Variants in CFAP299 observed in about 807,000 individuals in gnomAD.
The protein encoded by CFAP299 is cilia- and flagella-associated protein 299.
CFAP299 carries 21 observed loss-of-function variants against 27.0 expected under a neutral mutation model. The ratio of observed to expected loss-of-function variants is 0.78; its 90% CI spans 0.55 to 1.12. CFAP299 has a LOEUF of 1.12. Ranked by LOEUF, CFAP299 falls within the 50% of genes most tolerant of loss-of-function variation. The probability of loss-of-function intolerance (pLI) is 0.00; values close to 1 mark genes in which losing one functional copy is unlikely to be tolerated. For missense variants in CFAP299, 310 were observed against 276.6 expected, an observed-to-expected ratio of 1.12 and a Z score of -0.86; for synonymous variants, 104 against 98.1, an observed-to-expected ratio of 1.06 and a Z score of -0.36.
intron 2 of CFAP299, among the ~76,000 whole-genome samples, chr4:80,480,854 C>G (rs1425308665): frequency 2.0e-5 from 3 of 151,794 alleles, no homozygotes; most frequent in Non-Finnish European, 4.4e-5. Context: ...CCTATTTGCC[C>G]ATAAAATATT....
At chr4:80,674,856 A>G (rs973979331) in intron 3 of CFAP299, among the ~76,000 whole-genome samples, 1 of 152,148 alleles carries the variant, frequency 6.6e-6, no homozygotes, top group Non-Finnish European at 1.5e-5. Context: ...TTCTCTTGCC[A>G]TGTTTTCAGC....
intron 3 of CFAP299, among the ~76,000 whole-genome samples, chr4:80,706,931 A>G (rs1721854041): frequency 6.6e-6 from 1 of 151,898 alleles, no homozygotes; most frequent in Non-Finnish European, 1.5e-5. Flanking sequence ...ATTTATAAGT[A>G]CCGCCCCTCT....
chr4:80,327,040 A>C, the CFAP299 span, among the ~76,000 whole-genome samples: 1 of 152,186 alleles, frequency 6.6e-6, no homozygotes, highest in African/African-American at 2.4e-5. Flanking sequence ...GGCAGACGTT[A>C]TCTTTACTAC....
intron 3 of CFAP299, among the ~76,000 whole-genome samples, chr4:80,606,548 T>C (rs1737688388): frequency 6.6e-6 from 1 of 152,058 alleles, no homozygotes; most frequent in South Asian, 2.1e-4. Context: ...AAAAAAAAGA[T>C]ATGTAGCCAT....
intron 2 of CFAP299, among the ~76,000 whole-genome samples, chr4:80,568,022 T>C (rs1735396174): frequency 6.6e-6 from 1 of 151,770 alleles, no homozygotes; most frequent in Non-Finnish European, 1.5e-5. Flanking sequence ...TTCTGCTAAT[T>C]CAACAAATAA....
chr4:80,394,810 C>A (rs1725689575), intron 2 of CFAP299, among the ~76,000 whole-genome samples: 1 of 151,976 alleles, frequency 6.6e-6, no homozygotes, highest in African/African-American at 2.4e-5. Flanking sequence ...TGGTACCATG[C>A]TGTTTTGATA....
At chr4:80,387,795 G>A (rs1420643482) in intron 2 of CFAP299, 7 of 1,583,700 alleles carry the variant, frequency 4.4e-6, no homozygotes, top group Non-Finnish European at 6.1e-6. Context: ...ATGGGCACTT[G>A]AGTTTCTGAG....
intron 4 of CFAP299, among the ~76,000 whole-genome samples, chr4:80,886,344 G>A (rs1733971653): frequency 6.6e-6 from 1 of 152,146 alleles, no homozygotes. Flanking sequence ...ATCTAACCCA[G>A]CACAGTTCCA....
chr4:80,589,912 A>T (rs1736635326), intron 3 of CFAP299, among the ~76,000 whole-genome samples: 1 of 152,194 alleles, frequency 6.6e-6, no homozygotes, highest in South Asian at 2.1e-4. Flanking sequence ...AGATGTGTAT[A>T]ATCTTTATAC....
intron 4 of CFAP299, among the ~76,000 whole-genome samples, chr4:80,875,390 G>A (rs1194295442): frequency 7.9e-5 from 12 of 152,080 alleles, no homozygotes; most frequent in African/African-American, 1.4e-4. Context: ...TGCCGGGCGC[G>A]GTGGCTCACG....
chr4:80,825,307 A>G (rs1729923493), intron 3 of CFAP299, among the ~76,000 whole-genome samples: 1 of 151,978 alleles, frequency 6.6e-6, no homozygotes, highest in Non-Finnish European at 1.5e-5. Flanking sequence ...CAAATGCAAT[A>G]TGAAAGGATC....
chr4:80,428,493 A>C (rs759246217), intron 2 of CFAP299, among the ~76,000 whole-genome samples: 17 of 152,072 alleles, frequency 1.1e-4, no homozygotes, highest in Non-Finnish European at 1.8e-4. Context: ...TGAACTAACT[A>C]TGTTAAAAGT....
At chr4:80,937,196 CCTT>C (rs201638417) in intron 4 of CFAP299, among the ~76,000 whole-genome samples, 3,303 of 151,520 alleles carry the variant, frequency 0.022, 65 homozygotes, top group South Asian at 0.08. Flanking sequence ...TATACAATGA[CCTT>C]CTATTTCATT....
intron 3 of CFAP299, among the ~76,000 whole-genome samples, chr4:80,687,448 G>A (rs1025167529): frequency 6.6e-5 from 10 of 152,156 alleles, no homozygotes; most frequent in African/African-American, 2.4e-4. Flanking sequence ...AATTGCAATT[G>A]TAGAAAATTT....
At chr4:80,369,934 A>G (rs1017481814) in intron 2 of CFAP299, among the ~76,000 whole-genome samples, 2 of 152,196 alleles carry the variant, frequency 1.3e-5, no homozygotes, top group Non-Finnish European at 2.9e-5. Context: ...TCTATTTTCT[A>G]TACAATGGGT....
At chr4:80,585,846 G>C (rs549629323) in intron 3 of CFAP299, among the ~76,000 whole-genome samples, 1 of 152,114 alleles carries the variant, frequency 6.6e-6, no homozygotes, top group Non-Finnish European at 1.5e-5. Context: ...ATAAATGACA[G>C]AATGAATGGG....
chr4:80,335,850 A>T lies in CFAP299; in HGVS notation c.82A>T (p.Ile28Phe). Reference sequence around the variant, plus strand: ...CTATGAAGATTTCCTGGACTCGCAGATCACTACTGTGGACTTGTACTACCT... The same window carrying T: ...CTATGAAGATTTCCTGGACTCGCAGTTCACTACTGTGGACTTGTACTACCT... ...NAYEDFLDSQ[I>F]TTVDLYYLED... is the part of the protein sequence containing the mutation. Residue 28 changes from isoleucine to phenylalanine, a missense_variant, in exon 1 of 6, where the codon ATC (isoleucine) becomes TTC (phenylalanine). Physicochemically the swap from Ile to Phe is conservative, Grantham distance 21. Transcript: ENST00000358105. 6.2e-7 allele frequency: 1 copy of T among 1,612,944 alleles called. No homozygotes were observed. The highest frequency in any genetic ancestry group is 1.3e-5 in the African/African-American group (1 of 75,048).
At chr4:80,679,448 A>C (rs968124545) in intron 3 of CFAP299, among the ~76,000 whole-genome samples, 11 of 152,064 alleles carry the variant, frequency 7.2e-5, no homozygotes, top group Non-Finnish European at 1.5e-4. Context: ...AGGAGTGTGA[A>C]TCCTATGTAG....
intron 2 of CFAP299, chr4:80,386,766 G>A: frequency 7.2e-7 from 1 of 1,392,318 alleles, no homozygotes; most frequent in Non-Finnish European, 1.0e-6. Context: ...TTGTCCGGCC[G>A]GTTGAACAAC....
Sources: gnomAD v4.1 joint callset for allele counts (sites outside exome capture counted in the v4.1 genomes callset) on GRCh38, gnomAD v4.1.1 for gene constraint, MANE v1.5 for transcripts, NCBI Gene and HGNC (gene_info 2026-07-23, HGNC 2026-07-21) for gene names.